RASGRF1: variants seen among roughly 807,000 people sequenced by gnomAD.
RASGRF1 encodes Ras protein specific guanine nucleotide releasing factor 1, also known as ras-specific guanine nucleotide-releasing factor 1.
Under a neutral mutation model 138.7 loss-of-function variants are expected in RASGRF1, and 40 were observed. The observed-to-expected ratio is 0.29, with a 90% CI of 0.22 to 0.38. The LOEUF (loss-of-function observed/expected upper bound fraction) is 0.38. RASGRF1 is among the 10% of genes least tolerant of loss of function. The pLI is 1.00. For missense variants in RASGRF1, 1,108 were observed against 1,650.4 expected, an observed-to-expected ratio of 0.67 and a Z score of 5.69; for synonymous variants, 614 against 663.2, an observed-to-expected ratio of 0.93 and a Z score of 1.14.
intron 6 of RASGRF1, 102 bp downstream of exon 6, chr15:79,035,029 G>A: frequency 1.1e-6 from 1 of 914,234 alleles, no homozygotes; most frequent in Non-Finnish European, 1.6e-6. Context: ...TTTAAAAAGT[G>A]ACACTCTATT....
At chr15:79,012,495 AT>A in intron 13 of RASGRF1, 2 of 1,603,334 alleles carry the variant, frequency 1.2e-6, no homozygotes, top group Non-Finnish European at 8.5e-7. Context: ...CCACCTGCTC[AT>A]TTCTGCTTCC....
intron 1 of RASGRF1, among the ~76,000 whole-genome samples, chr15:79,077,774 G>C (rs972158472): frequency 2.0e-5 from 3 of 152,120 alleles, no homozygotes; most frequent in Admixed American, 2.0e-4. Flanking sequence ...GCCTGCTTCA[G>C]GGATTCTTCA....
At chr15:79,020,145 G>T (rs1445088557) in intron 10 of RASGRF1, 41 bp from the exon 11 acceptor site, 1 of 1,596,030 alleles carries the variant, frequency 6.3e-7, no homozygotes, top group East Asian at 2.2e-5. Flanking sequence ...TTGAGGGGTA[G>T]ATATGCTGGT....
chr15:78,983,725 C>T (rs2056086218), intron 23 of RASGRF1, among the ~76,000 whole-genome samples: 2 of 152,252 alleles, frequency 1.3e-5, no homozygotes, highest in Admixed American at 1.3e-4. Flanking sequence ...ACACTTGCCT[C>T]CACGAGTTCA....
At chr15:78,966,382 A>G (rs1363524744) in intron 26 of RASGRF1, among the ~76,000 whole-genome samples, 3 of 151,718 alleles carry the variant, frequency 2.0e-5, no homozygotes, top group African/African-American at 7.3e-5. Context: ...GACTACAGGC[A>G]TGAGCCACTA....
intron 4 of RASGRF1, among the ~76,000 whole-genome samples, chr15:79,048,213 T>C (rs1294556542): frequency 1.3e-5 from 2 of 152,148 alleles, no homozygotes; most frequent in Non-Finnish European, 2.9e-5. Context: ...CAAGTCCCAA[T>C]GCCTGTGGGG....
rs567851968 is a variant in RASGRF1 at position 79,068,807 on chromosome 15, G to C, written c.277-4281C>G. ...CTGGCCCACCCCTCTTCTCTGTGAG[G>C]GTCAGGTGTGTGGCCTAAGTGTGGT... is the stretch of plus-strand genomic sequence containing the variant. On this transcript the variant is annotated intron_variant, in intron 1 of 26. Transcript: ENST00000558480. Among the ~76,000 whole-genome samples, 5 of 152,112 alleles carry C rather than the reference G, an allele frequency of 3.3e-5. No homozygotes were observed. The South Asian group carries it at 1.0e-3, about 32-fold the overall frequency.
intron 3 of RASGRF1, among the ~76,000 whole-genome samples, chr15:79,056,892 A>G (rs1422257708): frequency 2.0e-5 from 3 of 152,206 alleles, no homozygotes; most frequent in Admixed American, 2.0e-4. Context: ...AATTCTTAAG[A>G]TAGTTTTCTC....
intron 1 of RASGRF1, 132 bp downstream of exon 1, chr15:79,090,091 A>G (rs370628846): frequency 3.9e-6 from 5 of 1,269,316 alleles, no homozygotes; most frequent in East Asian, 2.6e-5. Context: ...CCTCTCGCTG[A>G]GGGTGCAGAG....
intron 4 of RASGRF1, among the ~76,000 whole-genome samples, chr15:79,049,115 G>T (rs1401128558): frequency 6.6e-6 from 1 of 152,150 alleles, no homozygotes; most frequent in Non-Finnish European, 1.5e-5. Context: ...GGCAGTGGGG[G>T]TGGCATGCCA....
At chr15:79,001,499 G>T (rs1454949713) in intron 16 of RASGRF1, among the ~76,000 whole-genome samples, 163 bp downstream of exon 16, 3 of 152,184 alleles carry the variant, frequency 2.0e-5, no homozygotes. Flanking sequence ...GGTGGCGGGG[G>T]GCGGGTGGTG....
chr15:78,989,420 G>T (rs567264756), intron 22 of RASGRF1, among the ~76,000 whole-genome samples: 1 of 152,030 alleles, frequency 6.6e-6, no homozygotes, highest in Admixed American at 6.5e-5. Context: ...AGATTCAGGA[G>T]CCTTAGTCTC....
At chr15:79,083,372 A>G (rs144639491) in intron 1 of RASGRF1, among the ~76,000 whole-genome samples, 1 of 152,258 alleles carries the variant, frequency 6.6e-6, no homozygotes, top group Non-Finnish European at 1.5e-5. Flanking sequence ...CATAAACATC[A>G]GGGGGCTGAG....
Position 78,992,861 on chromosome 15 carries a change from G to A in RASGRF1, c.3028-1067C>T, listed in dbSNP as rs118046324. 2.6e-5 allele frequency among the ~76,000 whole-genome samples: 4 copies of A among 152,294 alleles called. No individual in the cohort carries two copies. In the East Asian group the frequency reaches 5.8e-4, roughly 22 times the overall value. On this transcript the variant is annotated intron_variant, in intron 20 of 26. Coordinates refer to ENST00000558480, the MANE Select transcript of RASGRF1 (RefSeq NM_001145648.3). ...CCTTCCTCCCATTTCCTCCACAGAC[G>A]GGCACTGAGGTCTGCACCAAGGCCC...
At position 79,032,791 on chromosome 15, in the gene RASGRF1, G is replaced by A. The variant is rs752858425; in HGVS notation, c.959-475C>T. ...CTTCTCCAGAGCTTCCTGTGGGGTCGGCTGAGGCTTCTGTTGCAGCTGGAA... is the reference window on the plus strand; with the variant it reads ...CTTCTCCAGAGCTTCCTGTGGGGTCAGCTGAGGCTTCTGTTGCAGCTGGAA... On this transcript the variant is annotated intron_variant, in intron 6 of 26. Transcript: ENST00000558480. The surrounding 1 kb of genome is among the most constrained non-coding windows in gnomAD (Gnocchi z 4.5). Among the ~76,000 whole-genome samples the A allele has an allele frequency of 2.0e-5, 3 of 152,152 alleles. No homozygotes were observed. Among genetic ancestry groups the A allele is most frequent in the Admixed American group, 6.5e-5 (1 of 15,290 alleles).
chr15:79,031,600 G>C, intron 7 of RASGRF1, 91 bp from the exon 8 acceptor site: 1 of 390,506 alleles, frequency 2.6e-6, no homozygotes, highest in Non-Finnish European at 5.0e-6. Flanking sequence ...GTGAGCAAGA[G>C]AGAGAGAGAA....
intron 26 of RASGRF1, among the ~76,000 whole-genome samples, chr15:78,964,682 CTGAGT>C (rs1234726481): frequency 6.6e-6 from 1 of 152,162 alleles, no homozygotes; most frequent in Admixed American, 6.5e-5. Context: ...TCAAATACTG[CTGAGT>C]TATGTTGATA....
chr15:79,048,371 G>A (rs768707628), intron 4 of RASGRF1, among the ~76,000 whole-genome samples: 9 of 152,112 alleles, frequency 5.9e-5, no homozygotes, highest in South Asian at 2.1e-4. Context: ...GTTGTGTCCC[G>A]GCAGCATAGC....
At chr15:79,049,769 C>T (rs2057405805) in intron 3 of RASGRF1, among the ~76,000 whole-genome samples, 181 bp from the exon 4 acceptor site, 1 of 152,100 alleles carries the variant, frequency 6.6e-6, no homozygotes, top group Non-Finnish European at 1.5e-5. Flanking sequence ...ACCAGACAGG[C>T]CCCAGACATC....
Sources: gnomAD v4.1 joint callset for allele counts (sites outside exome capture counted in the v4.1 genomes callset) on GRCh38, gnomAD v4.1.1 for gene constraint, Gnocchi (gnomAD v3.1) non-coding constraint, MANE v1.5 for transcripts, NCBI Gene and HGNC (gene_info 2026-07-23, HGNC 2026-07-21) for gene names.